Variants in SCN2A observed in about 807,000 individuals in gnomAD.
SCN2A encodes the protein sodium channel protein type 2 subunit alpha.
A neutral mutation model predicts 188.7 loss-of-function variants in SCN2A; 20 were observed. The ratio of observed to expected loss-of-function variants is 0.11; its 90% CI spans 0.07 to 0.15. The LOEUF (loss-of-function observed/expected upper bound fraction) is 0.15, where lower values mean the gene tolerates loss of function less well. Among genes scored for constraint, SCN2A ranks in the 10% least tolerant of loss-of-function variants. SCN2A has a pLI of 1.00. For missense variants in SCN2A, 1,278 were observed against 2,445.0 expected, an observed-to-expected ratio of 0.52 and a Z score of 10.07; for synonymous variants, 804 against 833.1, an observed-to-expected ratio of 0.97 and a Z score of 0.60.
intron 16 of SCN2A, among the ~76,000 whole-genome samples, chr2:165,345,433 T>C (rs1699525397): frequency 6.6e-6 from 1 of 152,218 alleles, no homozygotes; most frequent in South Asian, 2.1e-4. Context: ...GATAGTTAGC[T>C]CTTCTTGTTG....
intron 10 of SCN2A, 35 bp downstream of exon 10, chr2:165,314,143 T>C (rs1188897362): frequency 6.3e-7 from 1 of 1,593,116 alleles, no homozygotes; most frequent in Non-Finnish European, 8.6e-7. Context: ...TTTGTTTTTC[T>C]TTATCTAAAT....
chr2:165,242,327 CTAT>C (rs1318950610), intron 1 of SCN2A, among the ~76,000 whole-genome samples: 4 of 151,996 alleles, frequency 2.6e-5, no homozygotes, highest in Non-Finnish European at 5.9e-5. Flanking sequence ...GTGTAGAAAA[CTAT>C]TATTAAATTG....
intron 26 of SCN2A, 69 bp from the exon 27 acceptor site, chr2:165,388,560 A>G: frequency 6.2e-7 from 1 of 1,601,166 alleles, no homozygotes; most frequent in Non-Finnish European, 8.5e-7. Flanking sequence ...AAACTAATGT[A>G]CTTATGTAAA....
intron 14 of SCN2A, among the ~76,000 whole-genome samples, chr2:165,333,699 T>A (rs1483942942): frequency 6.6e-6 from 1 of 151,468 alleles, no homozygotes; most frequent in Admixed American, 6.6e-5. Context: ...AAATAGGAGA[T>A]TTCCCAAATT....
rs114998366 is a variant in SCN2A at position 165,334,897 on chromosome 2, G to A, written c.2388+3329G>A. ...CACACACACACACACACAGCTGTTAGAACTAATAAATAAGATTGCAGAATA... is the reference window on the plus strand; with the variant it reads ...CACACACACACACACACAGCTGTTAAAACTAATAAATAAGATTGCAGAATA... On this transcript the variant is annotated intron_variant, in intron 14 of 26. Transcript: ENST00000375437. Among the ~76,000 whole-genome samples, 1,108 of 150,864 alleles carry A rather than the reference G, an allele frequency of 7.3e-3. 6 individuals are homozygous for A. Among genetic ancestry groups the A allele is most frequent in the African/African-American group, 0.026 (1,066 of 41,262 alleles).
intron 3 of SCN2A, among the ~76,000 whole-genome samples, chr2:165,306,741 C>G (rs1697161900): frequency 6.6e-6 from 1 of 151,904 alleles, no homozygotes; most frequent in Non-Finnish European, 1.5e-5. Context: ...CTTTCTAGAT[C>G]AACACAACAT....
At chr2:165,250,068 A>G (rs966449021) in intron 1 of SCN2A, among the ~76,000 whole-genome samples, 7 of 151,964 alleles carry the variant, frequency 4.6e-5, no homozygotes, top group Non-Finnish European at 8.8e-5. Flanking sequence ...CTATCTCTAC[A>G]CTTGTAATGT....
chr2:165,348,972 A>T (rs1037047855), intron 16 of SCN2A, among the ~76,000 whole-genome samples: 1 of 152,244 alleles, frequency 6.6e-6, no homozygotes. Context: ...CTTCTGCCAT[A>T]TTGTATTCAT....
intron 1 of SCN2A, among the ~76,000 whole-genome samples, chr2:165,255,013 T>A (rs1176992068): frequency 6.6e-6 from 1 of 152,010 alleles, no homozygotes; most frequent in Non-Finnish European, 1.5e-5. Context: ...GGCAATCTGT[T>A]CTATGCTTCT....
At chr2:165,291,365 T>G (rs1372531605) in intron 1 of SCN2A, among the ~76,000 whole-genome samples, 1 of 58,136 alleles carries the variant, frequency 1.7e-5, no homozygotes, top group Non-Finnish European at 3.9e-5. Context: ...CCTTCCTTCC[T>G]TCCTTCCTTC....
intron 1 of SCN2A, among the ~76,000 whole-genome samples, chr2:165,284,256 C>T (rs1355229769): frequency 2.0e-5 from 3 of 151,934 alleles, no homozygotes; most frequent in Admixed American, 6.5e-5. Flanking sequence ...CTGCAAGCTC[C>T]GCCTCCTGGG....
rs116648493 is a variant in SCN2A at position 165,255,694 on chromosome 2, C to G, written c.-52+16054C>G. Among the ~76,000 whole-genome samples, 1,423 of 152,248 alleles carry G rather than the reference C, an allele frequency of 9.3e-3. 18 individuals carry two copies. Among genetic ancestry groups the G allele is most frequent in the African/African-American group, 0.033 (1,350 of 41,532 alleles). On this transcript the variant is annotated intron_variant, in intron 1 of 26. Coordinates refer to ENST00000375437, the MANE Select transcript of SCN2A (RefSeq NM_001040142.2). ...GAGCTGAAGTGTATCTTAGAGTCAC[C>G]TCTTCATGAAGGAGATATTGATGAT... is the stretch of plus-strand genomic sequence containing the variant.
chr2:165,242,366 G>A (rs1271520652), intron 1 of SCN2A, among the ~76,000 whole-genome samples: 2 of 151,918 alleles, frequency 1.3e-5, no homozygotes, highest in African/African-American at 4.8e-5. Context: ...AGAAGTTGAC[G>A]GAATAACAAT....
At chr2:165,385,096 A>C (rs1701800154) in intron 25 of SCN2A, among the ~76,000 whole-genome samples, 1 of 152,196 alleles carries the variant, frequency 6.6e-6, no homozygotes, top group East Asian at 1.9e-4. Flanking sequence ...CAGAGAAAAG[A>C]GCAAAACAAA....
intron 3 of SCN2A, among the ~76,000 whole-genome samples, chr2:165,305,834 G>A (rs1697094877): frequency 6.6e-6 from 1 of 152,198 alleles, no homozygotes; most frequent in South Asian, 2.1e-4. Flanking sequence ...GGAAAAGGGA[G>A]ATAAGGCTGT....
intron 17 of SCN2A, among the ~76,000 whole-genome samples, chr2:165,355,998 CAAA>C (rs202024678): frequency 4.3e-5 from 5 of 116,600 alleles, no homozygotes; most frequent in African/African-American, 3.5e-5. Context: ...AACTCTGTCT[CAAA>C]AAAAAAAAAA....
intron 14 of SCN2A, among the ~76,000 whole-genome samples, chr2:165,334,382 C>T (rs575586374): frequency 9.9e-5 from 15 of 151,776 alleles, no homozygotes; most frequent in Admixed American, 2.0e-4. Context: ...CAACAATCCT[C>T]AACAAAATAC....
rs775168093 is a variant in SCN2A at position 165,296,104 on chromosome 2, C to T, written c.267+14C>T. On this transcript the variant is annotated intron_variant, in intron 2 of 26. Transcript: ENST00000375437. The stretch of plus-strand genomic sequence containing the variant: ...ATCAATAAGAAAGTGAGTTCTTAGT[C>T]AAGTTGCCTTCACTGCCTATTTACT... 6.2e-7 allele frequency: 1 copy of T among 1,610,588 alleles called. No homozygotes were observed. Among genetic ancestry groups the T allele is most frequent in the Non-Finnish European group, 8.5e-7 (1 of 1,178,238 alleles).
chr2:165,348,307 C>A (rs767597836), intron 16 of SCN2A, among the ~76,000 whole-genome samples: 1 of 145,618 alleles, frequency 6.9e-6, no homozygotes, highest in Non-Finnish European at 1.5e-5. Flanking sequence ...GGCAGTGACC[C>A]GAGATTGTGC....
Sources: allele counts gnomAD v4.1 joint callset (sites outside exome capture counted in the v4.1 genomes callset), GRCh38; gene constraint gnomAD v4.1.1; transcripts MANE v1.5; gene names NCBI Gene and HGNC (gene_info 2026-07-23, HGNC 2026-07-21).